Variants in LHFPL3 observed in about 807,000 individuals in gnomAD.
LHFPL3 encodes the protein LHFPL tetraspan subfamily member 3.
Under a neutral mutation model 19.3 loss-of-function variants are expected in LHFPL3, and 5 were observed. That is an observed-to-expected ratio of 0.26 (90% CI 0.14 to 0.54). LHFPL3 has a LOEUF of 0.54. Ranked by LOEUF, LHFPL3 falls within the 20% of genes least tolerant of loss-of-function variation. The pLI, the probability that LHFPL3 is intolerant of heterozygous loss-of-function variation, is 0.94. For synonymous variants in LHFPL3, 133 were observed against 126.2 expected (o/e 1.05, Z -0.36); for missense variants, 249 against 307.4 (o/e 0.81, Z 1.42).
intron 2 of LHFPL3, 56 bp downstream of exon 2, chr7:104,736,967 C>A: frequency 7.4e-7 from 1 of 1,350,572 alleles, no homozygotes; most frequent in Non-Finnish European, 1.0e-6. Context: ...AAAAATGGTG[C>A]TCTCCATTCT....
Position 104,642,058 on chromosome 7 carries a change from T to A in LHFPL3, c.446-94617T>A, listed in dbSNP as rs1027645331. ...ACTTTTTTTTTTTTTTTTTTTTTTT[T>A]ACAGAGTCTTGCTCTGTCACCCAGA... On this transcript the variant is annotated intron_variant, in intron 1 of 2. Coordinates refer to ENST00000424859, the MANE Select transcript of LHFPL3 (RefSeq NM_199000.3). 1.1e-4 allele frequency among the ~76,000 whole-genome samples: 8 copies of A among 75,090 alleles called. No homozygotes were observed. The East Asian group carries it at 1.8e-3, about 17-fold the overall frequency. 49.3% of individuals were successfully genotyped at this position (75,090 alleles called of 152,430 possible). A position where few individuals can be genotyped will look rare whatever the true frequency, so the allele number is the denominator to read the frequency against.
chr7:104,651,364 C>T (rs1271765398), intron 1 of LHFPL3, among the ~76,000 whole-genome samples: 1 of 152,214 alleles, frequency 6.6e-6, no homozygotes, highest in African/African-American at 2.4e-5. Context: ...CGGAATGCAT[C>T]GTAAGCTGTG....
At chr7:104,637,103 T>C (rs942338145) in intron 1 of LHFPL3, among the ~76,000 whole-genome samples, 1 of 152,238 alleles carries the variant, frequency 6.6e-6, no homozygotes, top group Admixed American at 6.5e-5. Flanking sequence ...GGTATCATTT[T>C]GGTTTTAGTT....
chr7:104,438,235 T>G (rs1419173528), intron 1 of LHFPL3, among the ~76,000 whole-genome samples: 2 of 152,218 alleles, frequency 1.3e-5, no homozygotes, highest in African/African-American at 4.8e-5. Context: ...CCATGCACTT[T>G]TAGCTTCTTT....
In LHFPL3 at chr7:104,688,398, G is replaced by A. The variant is rs895782398; in HGVS notation, c.446-48277G>A. ...AGAGTGGCTGACCTGCAATGAAAGG[G>A]AAATGCTCAGTCTTGCCAGGTGTCT... On this transcript the variant is annotated intron_variant, in intron 1 of 2. Coordinates refer to ENST00000424859, the MANE Select transcript of LHFPL3 (RefSeq NM_199000.3). Among the ~76,000 whole-genome samples the A allele has an allele frequency of 3.3e-5, 5 of 152,164 alleles. 1 individual carries two copies. The highest frequency in any genetic ancestry group is 6.5e-5 in the Admixed American group (1 of 15,268).
chr7:104,388,584 G>A (rs534610392), intron 1 of LHFPL3, among the ~76,000 whole-genome samples: 4 of 152,174 alleles, frequency 2.6e-5, no homozygotes, highest in East Asian at 3.9e-4. Flanking sequence ...AGACAAAGAC[G>A]TAACAAGAAA....
chr7:104,765,836 T>C (rs1321841716), intron 2 of LHFPL3, among the ~76,000 whole-genome samples: 1 of 152,200 alleles, frequency 6.6e-6, no homozygotes, highest in Non-Finnish European at 1.5e-5. Context: ...AGATGTCTGA[T>C]TACTGTAGCA....
chr7:104,655,164 A>C (rs1417692588), intron 1 of LHFPL3, among the ~76,000 whole-genome samples: 1 of 152,044 alleles, frequency 6.6e-6, no homozygotes, highest in Non-Finnish European at 1.5e-5. Context: ...TTTCCCTTGC[A>C]GTTTTTTCCC....
At chr7:104,613,905 G>A (rs1212048157) in intron 1 of LHFPL3, among the ~76,000 whole-genome samples, 1 of 152,150 alleles carries the variant, frequency 6.6e-6, no homozygotes, top group African/African-American at 2.4e-5. Context: ...TGGGGAGGTT[G>A]GTCAGTGTGA....
chr7:104,508,843 C>T (rs898207664), intron 1 of LHFPL3, among the ~76,000 whole-genome samples: 1 of 149,320 alleles, frequency 6.7e-6, no homozygotes, highest in African/African-American at 2.5e-5. Flanking sequence ...TTTTAAAGAT[C>T]GATAAAATTG....
At chr7:104,823,944 G>C (rs781462914) in intron 2 of LHFPL3, among the ~76,000 whole-genome samples, 1 of 150,942 alleles carries the variant, frequency 6.6e-6, no homozygotes, top group Non-Finnish European at 1.5e-5. Context: ...TCCGGAGTTC[G>C]AGACCAACCT....
At chr7:104,409,964 C>T (rs143675721) in intron 1 of LHFPL3, among the ~76,000 whole-genome samples, 156 of 152,086 alleles carry the variant, frequency 1.0e-3, no homozygotes, top group African/African-American at 3.5e-3. Flanking sequence ...CTGTATCAAT[C>T]GTGGTATCCA....
rs56697785 is a variant in LHFPL3, at chr7:104,726,055, C to CAAA, written c.446-10601_446-10599dup. The stretch of plus-strand genomic sequence containing the variant: ...TGACAGAGTGAGACTCCATCTCAGG[C>CAAA]AAAAAAAAAAAAAAAAAAAAATTCT... On this transcript the variant is annotated intron_variant, in intron 1 of 2. Transcript: ENST00000424859. Among the ~76,000 whole-genome samples, 36 of 75,090 alleles carry CAAA rather than the reference C, an allele frequency of 4.8e-4. 11 individuals are homozygous for CAAA. The highest frequency in any genetic ancestry group is 2.9e-3 in the East Asian group (6 of 2,068). 49.3% of individuals were successfully genotyped at this position (75,090 alleles called of 152,430 possible).
chr7:104,537,951 C>A (rs571479314), intron 1 of LHFPL3, among the ~76,000 whole-genome samples: 2 of 152,134 alleles, frequency 1.3e-5, no homozygotes, highest in South Asian at 4.1e-4. Flanking sequence ...ACCACCTCAA[C>A]GGGCTATACA....
At chr7:104,601,812 G>A (rs907745421) in intron 1 of LHFPL3, among the ~76,000 whole-genome samples, 6 of 151,982 alleles carry the variant, frequency 3.9e-5, no homozygotes, top group Admixed American at 2.0e-4. Context: ...GCTGGCTCTG[G>A]TCCACATGAT....
intron 1 of LHFPL3, among the ~76,000 whole-genome samples, chr7:104,334,101 G>A (rs1362239593): frequency 6.6e-6 from 1 of 152,156 alleles, no homozygotes; most frequent in Non-Finnish European, 1.5e-5. Context: ...TATGGTTGCT[G>A]TTGTTGTCTT....
intron 1 of LHFPL3, among the ~76,000 whole-genome samples, chr7:104,388,035 A>T (rs948811224): frequency 1.3e-5 from 2 of 152,110 alleles, no homozygotes; most frequent in Admixed American, 6.6e-5. Flanking sequence ...AAGTGAGAAC[A>T]TGTGGTATTT....
At chr7:104,553,259 T>A (rs546787759) in intron 1 of LHFPL3, among the ~76,000 whole-genome samples, 1 of 152,302 alleles carries the variant, frequency 6.6e-6, no homozygotes, top group East Asian at 1.9e-4. Flanking sequence ...ACCCTTTGAA[T>A]TGAAGCCAGG....
chr7:104,389,558 A>T (rs528861826), intron 1 of LHFPL3, among the ~76,000 whole-genome samples: 1 of 152,224 alleles, frequency 6.6e-6, no homozygotes, highest in East Asian at 1.9e-4. Flanking sequence ...AAAATAATAA[A>T]AAGTTTTGAA....
Sources: allele counts gnomAD v4.1 joint callset (sites outside exome capture counted in the v4.1 genomes callset), GRCh38; gene constraint gnomAD v4.1.1; transcripts MANE v1.5; gene names NCBI Gene and HGNC (gene_info 2026-07-23, HGNC 2026-07-21).